The following GAD2 variants were observed in gnomAD, a reference collection of about 807,000 sequenced individuals.
GAD2 encodes the protein glutamate decarboxylase 2.
Under a neutral mutation model 80.1 loss-of-function variants are expected in GAD2, and 22 were observed. The ratio of observed to expected loss-of-function variants is 0.27; its 90% CI spans 0.20 to 0.39. GAD2 has a LOEUF of 0.39. Ranked by LOEUF, GAD2 falls within the 10% of genes least tolerant of loss-of-function variation. The pLI, the probability that GAD2 is intolerant of heterozygous loss-of-function variation, is 1.00. For synonymous variants in GAD2, 274 were observed against 256.9 expected, an observed-to-expected ratio of 1.07 and a Z score of -0.64; for missense variants, 624 against 738.4, an observed-to-expected ratio of 0.85 and a Z score of 1.80.
rs542378151 is a variant in GAD2, at chr10:26,253,678, A to G, written c.920+7678A>G. ...AGGCAGTGGTCTTGATTGGAACACAATGGCAGACATGGTGGATGTAGTCCA... is the reference window on the plus strand; with the variant it reads ...AGGCAGTGGTCTTGATTGGAACACAGTGGCAGACATGGTGGATGTAGTCCA... On this transcript the variant is annotated intron_variant, in intron 8 of 15. Transcript: ENST00000376261. 1.8e-4 allele frequency among the ~76,000 whole-genome samples: 27 copies of G among 152,354 alleles called. 2 individuals are homozygous for G. The South Asian group carries it at 4.1e-3, about 23-fold the overall frequency.
At chr10:26,251,056 C>CTTTTTTTTTT (rs60993936) in intron 8 of GAD2, among the ~76,000 whole-genome samples, 75 of 119,788 alleles carry the variant, frequency 6.3e-4, no homozygotes, top group Non-Finnish European at 8.7e-4. Flanking sequence ...TTTTTTTTTG[C>CTTTTTTTTTT]TTTTTTTTTT....
At chr10:26,296,014 C>A (rs1356316836) in intron 15 of GAD2, among the ~76,000 whole-genome samples, 1 of 152,162 alleles carries the variant, frequency 6.6e-6, no homozygotes, top group East Asian at 1.9e-4. Context: ...GACTGGGTAG[C>A]TTATAAGCAC....
intron 7 of GAD2, among the ~76,000 whole-genome samples, chr10:26,240,313 G>A (rs1388713112): frequency 1.3e-5 from 2 of 152,124 alleles, no homozygotes; most frequent in Non-Finnish European, 1.5e-5. Flanking sequence ...CTCACTCTTA[G>A]CTGAATATTC....
intron 8 of GAD2, among the ~76,000 whole-genome samples, chr10:26,260,963 G>T (rs894106274): frequency 2.6e-5 from 4 of 152,156 alleles, no homozygotes; most frequent in African/African-American, 9.7e-5. Flanking sequence ...GACAGACACA[G>T]GCATGCAGCG....
Position 26,292,930 on chromosome 10 carries a change from A to G in GAD2, c.1523A>G (p.Tyr508Cys). 1 of 1,614,032 alleles carries G rather than the reference A, an allele frequency of 6.2e-7. No individual in the cohort carries two copies. The highest frequency in any genetic ancestry group is 8.5e-7 in the Non-Finnish European group (1 of 1,179,920). Residue 508 changes from tyrosine (Y) to cysteine (C), a missense_variant, in exon 15 of 16, where the codon TAC becomes TGC. Transcript: ENST00000376261. ...CAGCACACAAATGTCTGCTTCTGGT[A>G]CATTCCTCCAAGCTTGCGTACTCTG... ...KPQHTNVCFW[Y>C]IPPSLRTLED... is the part of the protein sequence containing the mutation.
At chr10:26,228,123 T>C (rs1455275793) in intron 6 of GAD2, among the ~76,000 whole-genome samples, 2 of 152,248 alleles carry the variant, frequency 1.3e-5, no homozygotes, top group African/African-American at 4.8e-5. Flanking sequence ...GTGTTCCCCT[T>C]GGTCAGGAGG....
intron 15 of GAD2, 117 bp from the exon 16 acceptor site, chr10:26,300,671 A>G (rs1834319611): frequency 3.4e-6 from 3 of 872,776 alleles, no homozygotes; most frequent in Admixed American, 4.6e-5. Flanking sequence ...TTCAAGAGAA[A>G]ACAATAAGGT....
intron 15 of GAD2, among the ~76,000 whole-genome samples, chr10:26,298,227 A>T (rs1050115453): frequency 5.9e-5 from 9 of 152,158 alleles, no homozygotes; most frequent in African/African-American, 2.2e-4. Flanking sequence ...CAGGCCTTGA[A>T]CCCTGGACCC....
intron 7 of GAD2, among the ~76,000 whole-genome samples, chr10:26,236,480 T>C (rs1194844369): frequency 3.9e-5 from 6 of 152,046 alleles, no homozygotes; most frequent in East Asian, 1.9e-4. Flanking sequence ...TCTGTATTTT[T>C]AGTAGAGACG....
rs562458496 is a variant in GAD2 at position 26,216,899 on chromosome 10, C to G, written c.76+14C>G. ...ATCCCGGCACAGGTAGGAAGGAGAACGGGGGCCTGCGGCGGGCGAGTTTTG... is the reference window on the plus strand; with the variant it reads ...ATCCCGGCACAGGTAGGAAGGAGAAGGGGGGCCTGCGGCGGGCGAGTTTTG... On this transcript the variant is annotated intron_variant, in intron 1 of 15. Transcript: ENST00000376261. This position sits in a 1 kb window ranked among gnomAD's most constrained non-coding sequence, Gnocchi z 4.7. 118 of 1,599,974 alleles carry G rather than the reference C, an allele frequency of 7.4e-5. No individual in the cohort carries two copies. In the South Asian group the frequency reaches 1.2e-3, roughly 16 times the overall value.
intron 8 of GAD2, among the ~76,000 whole-genome samples, chr10:26,261,585 T>G (rs558451448): frequency 5.3e-5 from 8 of 152,304 alleles, no homozygotes; most frequent in African/African-American, 1.9e-4. Flanking sequence ...TCATTATTGG[T>G]CAGTTAGAAT....
chr10:26,247,021 C>T (rs1367139420), intron 8 of GAD2, among the ~76,000 whole-genome samples: 1 of 152,074 alleles, frequency 6.6e-6, no homozygotes, highest in Non-Finnish European at 1.5e-5. Context: ...TCTTGGATCT[C>T]GCGCAAGAAG....
At chr10:26,287,390 A>C (rs1845346138) in intron 13 of GAD2, among the ~76,000 whole-genome samples, 1 of 152,204 alleles carries the variant, frequency 6.6e-6, no homozygotes, top group African/African-American at 2.4e-5. Flanking sequence ...TCTCTAAGAG[A>C]AAAGATGTTG....
chr10:26,238,843 T>C (rs926331355), intron 7 of GAD2, among the ~76,000 whole-genome samples: 2 of 152,212 alleles, frequency 1.3e-5, no homozygotes, highest in African/African-American at 4.8e-5. Context: ...CCAGTATTTC[T>C]AAGGAAGCTG....
In GAD2 at chr10:26,300,893, C is replaced by A. The variant is rs1311625272; in HGVS notation, c.1690C>A (p.Pro564Thr). 1 of 1,613,702 alleles carries A rather than the reference C, an allele frequency of 6.2e-7. No homozygotes were observed. Among genetic ancestry groups the A allele is most frequent in the Non-Finnish European group, 8.5e-7 (1 of 1,179,850 alleles). Residue 564 changes from proline to threonine, a missense_variant, in exon 16 of 16, where the codon CCA becomes ACA. Pro to Thr is a conservative substitution (Grantham distance 38, BLOSUM62 -1). Transcript: ENST00000376261. ...TTTCTTCCGCATGGTCATCTCAAAC[C>A]CAGCGGCAACTCACCAAGACATTGA... ...VNFFRMVISNPAATHQDIDFL... is the reference protein window; with the variant it reads ...VNFFRMVISNTAATHQDIDFL...
intron 7 of GAD2, among the ~76,000 whole-genome samples, chr10:26,245,226 G>T (rs1160199814): frequency 6.7e-6 from 1 of 150,068 alleles, no homozygotes; most frequent in Non-Finnish European, 1.5e-5. Context: ...GGGGTTGGGG[G>T]TGTGGGGGGA....
intron 7 of GAD2, among the ~76,000 whole-genome samples, chr10:26,244,044 T>C (rs965970790): frequency 2.0e-5 from 3 of 152,248 alleles, no homozygotes; most frequent in Non-Finnish European, 4.4e-5. Flanking sequence ...AATAAACGAC[T>C]GTATTCAAAA....
At chr10:26,221,547 A>G (rs3893052) in intron 4 of GAD2, among the ~76,000 whole-genome samples, 19,111 of 152,210 alleles carry the variant, frequency 0.13, 3,992 homozygotes, top group African/African-American at 0.43. Context: ...CCATCAGACA[A>G]AGGGAATTAA....
At chr10:26,300,154 G>A (rs759700007) in intron 15 of GAD2, among the ~76,000 whole-genome samples, 6 of 152,146 alleles carry the variant, frequency 3.9e-5, no homozygotes, top group Non-Finnish European at 2.9e-5. Context: ...CATAAATAGA[G>A]TATAATCTCG....
Sources: gnomAD v4.1 joint callset for allele counts (sites outside exome capture counted in the v4.1 genomes callset) on GRCh38, gnomAD v4.1.1 for gene constraint, Gnocchi (gnomAD v3.1) non-coding constraint, MANE v1.5 for transcripts, NCBI Gene and HGNC (gene_info 2026-07-23, HGNC 2026-07-21) for gene names.